Variants in ITPR2 observed in about 807,000 individuals in gnomAD.
The protein encoded by ITPR2 is inositol 1,4,5-trisphosphate receptor type 2.
In ITPR2, 207 loss-of-function variants were observed where a neutral mutation model predicts 317.1. The ratio of observed to expected loss-of-function variants is 0.65; its 90% CI spans 0.58 to 0.73. The LOEUF (loss-of-function observed/expected upper bound fraction) is 0.73. ITPR2 is among the 30% of genes least tolerant of loss of function. The pLI is 0.00. For missense variants in ITPR2, 2,613 were observed against 3,284.0 expected (o/e 0.80, Z 4.99); for synonymous variants, 1,156 against 1,149.1 (o/e 1.01, Z -0.12).
Position 26,725,706 on chromosome 12 carries a change from C to T in ITPR2, c.223G>A (p.Ala75Thr), listed in dbSNP as rs972966180. The T allele has an allele frequency of 3.1e-6, 5 of 1,613,284 alleles. No individual in the cohort carries two copies. The highest frequency in any genetic ancestry group is 1.7e-5 in the Admixed American group (1 of 59,940). Residue 75 changes from alanine (A) to threonine (T), a missense_variant, in exon 3 of 57, where the codon GCA becomes ACA. Ala to Thr is a moderately conservative substitution (Grantham distance 58, BLOSUM62 0). Around this residue, in one of 9 missense-constraint regions of ITPR2, gnomAD observed 515 missense variants for 789.4 expected, o/e 0.65. Coordinates refer to ENST00000381340, the MANE Select transcript of ITPR2 (RefSeq NM_002223.4). ...TGGTTCCCTTGTTTGGCTTGCTTTG[C>T]TTTCCAATATTGCTTCTGGGCAGAA... ...RYSAQKQYWK[A>T]KQAKQGNHTE...
intron 13 of ITPR2, among the ~76,000 whole-genome samples, chr12:26,677,599 CA>C (rs5797190): frequency 3.3e-5 from 5 of 149,640 alleles, no homozygotes; most frequent in African/African-American, 4.9e-5. Flanking sequence ...GACCCTCTCT[CA>C]AAAAAAAATA....
At chr12:26,501,255 A>T (rs1263048598) in intron 37 of ITPR2, among the ~76,000 whole-genome samples, 1 of 152,194 alleles carries the variant, frequency 6.6e-6, no homozygotes, top group Non-Finnish European at 1.5e-5. Context: ...TTGGCTTAGT[A>T]ACAATACGTC....
At chr12:26,680,944 T>G (rs545087212) in intron 13 of ITPR2, among the ~76,000 whole-genome samples, 1 of 152,294 alleles carries the variant, frequency 6.6e-6, no homozygotes, top group African/African-American at 2.4e-5. Context: ...TTTTGCTAGT[T>G]ACTGCCAAAC....
At chr12:26,382,939 C>T (rs1939552737) in intron 55 of ITPR2, among the ~76,000 whole-genome samples, 1 of 152,098 alleles carries the variant, frequency 6.6e-6, no homozygotes, top group Non-Finnish European at 1.5e-5. Flanking sequence ...AACTGAGGTG[C>T]TATGGCTTGG....
chr12:26,669,041 C>T (rs1427308606), intron 13 of ITPR2, among the ~76,000 whole-genome samples: 1 of 152,054 alleles, frequency 6.6e-6, no homozygotes, highest in Non-Finnish European at 1.5e-5. Context: ...ATTGCTGAAA[C>T]CTGGGAGGTC....
Position 26,350,712 on chromosome 12 carries a change from C to T in ITPR2, c.7858-10384G>A, listed in dbSNP as rs74867447. 7.2e-3 allele frequency among the ~76,000 whole-genome samples: 1,092 copies of T among 152,174 alleles called. 13 individuals carry two copies. Among genetic ancestry groups the T allele is most frequent in the African/African-American group, 0.025 (1,048 of 41,496 alleles). Reference sequence around the variant, plus strand: ...ATAGAGACCACAGCCCCCGAGAACCCACCTGGCCCATTCCTCCTCCTTCCT... The same window carrying T: ...ATAGAGACCACAGCCCCCGAGAACCTACCTGGCCCATTCCTCCTCCTTCCT... On this transcript the variant is annotated intron_variant, in intron 55 of 56. Coordinates refer to ENST00000381340, the MANE Select transcript of ITPR2 (RefSeq NM_002223.4).
intron 2 of ITPR2, among the ~76,000 whole-genome samples, chr12:26,782,037 T>TATAGAGAGAGAGAGAG (rs1950102369): frequency 1.9e-5 from 1 of 51,736 alleles, no homozygotes; most frequent in African/African-American, 5.7e-5. Flanking sequence ...TATATATGTA[T>TATAGAGAGAGAGAGAG]AGAGAGAGAG....
At chr12:26,605,949 T>A (rs1237208684) in intron 26 of ITPR2, among the ~76,000 whole-genome samples, 1 of 152,248 alleles carries the variant, frequency 6.6e-6, no homozygotes, top group Non-Finnish European at 1.5e-5. Context: ...AATTAGGTTT[T>A]GTTTTCTAAT....
chr12:26,819,204 C>T (rs1048877440), intron 1 of ITPR2, among the ~76,000 whole-genome samples: 6 of 152,174 alleles, frequency 3.9e-5, no homozygotes, highest in South Asian at 2.1e-4. Context: ...AAATAACTCT[C>T]AAACAAGTCC....
intron 26 of ITPR2, among the ~76,000 whole-genome samples, chr12:26,615,062 G>A (rs1402879156): frequency 6.6e-6 from 1 of 152,138 alleles, no homozygotes; most frequent in Non-Finnish European, 1.5e-5. Flanking sequence ...GACTATATGG[G>A]AACTCTATGC....
chr12:26,568,012 ATAT>A (rs1336582987), intron 34 of ITPR2, among the ~76,000 whole-genome samples: 7 of 8,096 alleles, frequency 8.6e-4, no homozygotes, highest in East Asian at 4.6e-3. Context: ...TATATTATAT[ATAT>A]ATATATATAT....
chr12:26,671,350 C>T (rs1947766151), intron 13 of ITPR2, among the ~76,000 whole-genome samples: 1 of 152,220 alleles, frequency 6.6e-6, no homozygotes, highest in Non-Finnish European at 1.5e-5. Flanking sequence ...CAGCAGATCT[C>T]TCAGCAGAAA....
chr12:26,406,922 C>T (rs1050126996), intron 52 of ITPR2, among the ~76,000 whole-genome samples: 1 of 152,134 alleles, frequency 6.6e-6, no homozygotes, highest in African/African-American at 2.4e-5. Context: ...ACAGGCATTC[C>T]TGTATTTTTA....
chr12:26,523,522 CTT>C (rs564468146), intron 37 of ITPR2, among the ~76,000 whole-genome samples: 89 of 138,114 alleles, frequency 6.4e-4, no homozygotes, highest in South Asian at 2.5e-3. Context: ...ATGGCAAAAT[CTT>C]TTTTTTTTTT....
chr12:26,826,346 A>G (rs1159212478), intron 1 of ITPR2, among the ~76,000 whole-genome samples: 1 of 152,258 alleles, frequency 6.6e-6, no homozygotes, highest in Admixed American at 6.5e-5. Context: ...TTTAGCAGGA[A>G]AAAAGATCAG....
intron 32 of ITPR2, among the ~76,000 whole-genome samples, chr12:26,591,594 C>T (rs558834364): frequency 6.6e-6 from 1 of 152,160 alleles, no homozygotes; most frequent in East Asian, 1.9e-4. Flanking sequence ...CTTTGGGAGG[C>T]CGAGATGGGT....
intron 1 of ITPR2, among the ~76,000 whole-genome samples, chr12:26,807,082 A>G (rs1232609003): frequency 1.3e-5 from 2 of 152,070 alleles, no homozygotes; most frequent in East Asian, 3.9e-4. Context: ...TTAGCTACTC[A>G]GGAGGCTAAG....
At chr12:26,602,313 A>G in intron 28 of ITPR2, 57 bp downstream of exon 28, 1 of 1,551,798 alleles carries the variant, frequency 6.4e-7, no homozygotes, top group Non-Finnish European at 8.7e-7. Context: ...ACTTTGCAAA[A>G]CATTTGAAAT....
At chr12:26,450,493 T>G (rs1029891762) in intron 45 of ITPR2, among the ~76,000 whole-genome samples, 1 of 152,156 alleles carries the variant, frequency 6.6e-6, no homozygotes, top group East Asian at 1.9e-4. Context: ...TCCCGAATAC[T>G]GATGCCAGAA....
Sources: gnomAD v4.1 joint callset for allele counts (sites outside exome capture counted in the v4.1 genomes callset) on GRCh38, gnomAD v4.1.1 for gene constraint, gnomAD v4.1.1 regional missense constraint, MANE v1.5 for transcripts, NCBI Gene and HGNC (gene_info 2026-07-23, HGNC 2026-07-21) for gene names.